HMOX2: variants seen among roughly 807,000 people sequenced by gnomAD.
The protein encoded by HMOX2 is heme oxygenase 2, also known as heme oxygenase (decycling) 2.
In HMOX2, 30 loss-of-function variants were observed where a neutral mutation model predicts 33.7. The ratio of observed to expected loss-of-function variants is 0.89; its 90% CI spans 0.67 to 1.21. The LOEUF is 1.21. Ranked by LOEUF, HMOX2 falls within the 50% of genes most tolerant of loss-of-function variation. The pLI, the probability that HMOX2 is intolerant of heterozygous loss-of-function variation, is 0.00. For missense variants in HMOX2, 403 were observed against 399.1 expected (o/e 1.01, Z -0.08); for synonymous variants, 155 against 155.0 (o/e 1.00, Z 0.00).
At position 4,490,556 on chromosome 16, in the gene HMOX2, G is replaced by A. The variant is rs535259487; in HGVS notation, c.-42+14069G>A. 5.3e-5 allele frequency among the ~76,000 whole-genome samples: 8 copies of A among 152,308 alleles called. No individual in the cohort carries two copies. In the South Asian group the frequency reaches 1.5e-3, roughly 28 times the overall value. ...ACATTTCTGTCAGGGGCTTCAGCCT[G>A]CCTGGATTTGTTACTGGGTTTGTTT... is the stretch of plus-strand genomic sequence containing the variant. On this transcript the variant is annotated intron_variant, in intron 1 of 5. Transcript: ENST00000570646.
chr16:4,479,758 T>TG (rs2057969113), intron 1 of HMOX2, among the ~76,000 whole-genome samples: 1 of 98,422 alleles, frequency 1.0e-5, no homozygotes, highest in Non-Finnish European at 2.0e-5. Context: ...TTTTTTTTTT[T>TG]GAGACAGTCT....
intron 1 of HMOX2, among the ~76,000 whole-genome samples, chr16:4,503,225 G>A (rs1175423489): frequency 6.6e-6 from 1 of 152,072 alleles, no homozygotes; most frequent in African/African-American, 2.4e-5. Context: ...TTGCCCCTTG[G>A]TAAGTGGACG....
intron 1 of HMOX2, among the ~76,000 whole-genome samples, chr16:4,493,608 A>G (rs753354148): frequency 6.6e-5 from 10 of 152,146 alleles, no homozygotes; most frequent in East Asian, 1.9e-4. Flanking sequence ...AACCACATCT[A>G]TGTGCTGCCT....
intron 1 of HMOX2, among the ~76,000 whole-genome samples, chr16:4,493,831 T>C (rs747802242): frequency 6.6e-6 from 1 of 152,246 alleles, no homozygotes; most frequent in South Asian, 2.1e-4. Flanking sequence ...GAACCCAATT[T>C]CTACAAACTT....
intron 1 of HMOX2, among the ~76,000 whole-genome samples, chr16:4,482,794 A>C (rs778428619): frequency 1.5e-4 from 23 of 152,104 alleles, no homozygotes; most frequent in Non-Finnish European, 3.1e-4. Flanking sequence ...TTGGGAGGCC[A>C]AGGAGGGCAG....
rs2058738689 is a variant in HMOX2 at position 4,508,015 on chromosome 16, G to C, written c.507G>C (p.Lys169Asn). The change falls in exon 4 of 6, where the codon AAG (lysine) becomes AAC (asparagine). Residue 169 changes from lysine to asparagine, a missense_variant. By Grantham distance (94) the Lys-to-Asn change is moderately conservative. Transcript: ENST00000570646. ...GDLSGGQVLK[K>N]VAQRALKLPS... is the part of the protein sequence containing the mutation. ...TCTCGGGGGGCCAGGTGCTGAAGAA[G>C]GTGGCCCAGCGAGCACTGAAACTCC... 1.9e-6 allele frequency: 3 copies of C among 1,613,892 alleles called. No individual in the cohort carries two copies. Among genetic ancestry groups the C allele is most frequent in the Non-Finnish European group, 1.7e-6 (2 of 1,179,990 alleles).
chr16:4,496,637 T>A (rs1312268615), intron 1 of HMOX2: 1 of 152,188 alleles, frequency 6.6e-6, no homozygotes, highest in East Asian at 1.9e-4. Context: ...GCATTCAGAA[T>A]GACTCAAGTT....
chr16:4,487,777 G>A (rs2058208212), intron 1 of HMOX2, among the ~76,000 whole-genome samples: 1 of 143,870 alleles, frequency 7.0e-6, no homozygotes, highest in African/African-American at 2.7e-5. Context: ...GACAGAGCGA[G>A]ACTCCGTCTC....
chr16:4,475,127 T>A (rs2057781283), upstream of HMOX2, among the ~76,000 whole-genome samples: 1 of 151,238 alleles, frequency 6.6e-6, no homozygotes, highest in Non-Finnish European at 1.5e-5. Context: ...AATTTTTGTA[T>A]TTTTTAGTAG....
intron 1 of HMOX2, among the ~76,000 whole-genome samples, chr16:4,479,825 GC>G (rs1334249424): frequency 7.6e-6 from 1 of 130,936 alleles, no homozygotes; most frequent in Non-Finnish European, 1.5e-5. Flanking sequence ...TGCAACCTCC[GC>G]CTCCTGGGTT....
chr16:4,478,996 A>G (rs1171409289), intron 1 of HMOX2, among the ~76,000 whole-genome samples: 1 of 151,836 alleles, frequency 6.6e-6, no homozygotes, highest in African/African-American at 2.4e-5. Context: ...CTCTACTAAA[A>G]ATACAAAAAT....
intron 1 of HMOX2, among the ~76,000 whole-genome samples, chr16:4,484,609 C>T (rs2058120438): frequency 6.7e-6 from 1 of 150,084 alleles, no homozygotes; most frequent in Non-Finnish European, 1.5e-5. Context: ...TACAGGTGTG[C>T]ACCACCACGC....
chr16:4,484,620 C>G (rs1472234273), intron 1 of HMOX2, among the ~76,000 whole-genome samples: 1 of 151,902 alleles, frequency 6.6e-6, no homozygotes. Flanking sequence ...ACCACCACGC[C>G]TGGCTGATTT....
chr16:4,506,827 C>G (rs2141607078), intron 2 of HMOX2, 68 bp from the exon 3 acceptor site: 3 of 1,185,754 alleles, frequency 2.5e-6, no homozygotes, highest in South Asian at 2.4e-5. Context: ...TCAATCTTCT[C>G]TCTATGGTCC....
Position 4,492,295 on chromosome 16 carries a change from C to G in HMOX2, c.-41-13189C>G, listed in dbSNP as rs71388586. On this transcript the variant is annotated intron_variant, in intron 1 of 5. Transcript: ENST00000570646. ...ACTGCAGTGAGCTAATATCTCACCA[C>G]TGCACTCCAGACACAGTAAAACCCT... Among the ~76,000 whole-genome samples, 950 of 151,698 alleles carry G rather than the reference C, an allele frequency of 6.3e-3. 10 individuals are homozygous for G. The highest frequency in any genetic ancestry group is 0.011 in the Non-Finnish European group (723 of 67,918).
intron 1 of HMOX2, among the ~76,000 whole-genome samples, chr16:4,478,474 GGT>G (rs1216573298): frequency 2.0e-5 from 3 of 152,058 alleles, no homozygotes; most frequent in Non-Finnish European, 4.4e-5. Context: ...TTGTGGGCCC[GGT>G]GCAGTGGCTC....
intron 1 of HMOX2, among the ~76,000 whole-genome samples, chr16:4,488,964 G>C (rs1237980895): frequency 6.6e-6 from 1 of 151,852 alleles, no homozygotes; most frequent in African/African-American, 2.4e-5. Flanking sequence ...TAGCTGGGAT[G>C]ACAGGCATGT....
chr16:4,509,910 C>G lies in HMOX2; in HGVS notation c.*154C>G. 1 of 793,214 alleles carries G rather than the reference C, an allele frequency of 1.3e-6. No individual in the cohort carries two copies. Among genetic ancestry groups the G allele is most frequent in the Non-Finnish European group, 2.0e-6 (1 of 507,416 alleles). The allele number at this position is 793,214 out of a possible 1,614,324, so 49.1% of individuals were successfully genotyped here. On this transcript the variant is annotated 3_prime_UTR_variant, in exon 6 of 6. Transcript: ENST00000570646. ...TAAAAGCCAGATGCTAGAGCCTCTGCCTGACAGCATCCTCTCTATGGGCCA... is the reference window on the plus strand; with the variant it reads ...TAAAAGCCAGATGCTAGAGCCTCTGGCTGACAGCATCCTCTCTATGGGCCA...
chr16:4,494,098 C>T (rs1232073981), intron 1 of HMOX2, among the ~76,000 whole-genome samples: 1 of 151,896 alleles, frequency 6.6e-6, no homozygotes, highest in South Asian at 2.1e-4. Flanking sequence ...GGGTGGATCA[C>T]GAGGTCAGGA....
Sources: gnomAD v4.1 joint callset for allele counts (sites outside exome capture counted in the v4.1 genomes callset) on GRCh38, gnomAD v4.1.1 for gene constraint, MANE v1.5 for transcripts, NCBI Gene and HGNC (gene_info 2026-07-23, HGNC 2026-07-21) for gene names.